HCRTR2: variants seen among roughly 807,000 people sequenced by gnomAD.
HCRTR2 encodes the protein orexin receptor type 2.
HCRTR2 carries 22 observed loss-of-function variants against 49.0 expected under a neutral mutation model. The observed-to-expected ratio is 0.45, with a 90% CI of 0.32 to 0.64. The LOEUF (loss-of-function observed/expected upper bound fraction) is 0.64. Among genes scored for constraint, HCRTR2 ranks in the 30% least tolerant of loss-of-function variants. The pLI is 0.04. For synonymous variants in HCRTR2, 236 were observed against 205.3 expected, an observed-to-expected ratio of 1.15 and a Z score of -1.28; for missense variants, 491 against 559.4, an observed-to-expected ratio of 0.88 and a Z score of 1.23.
At chr6:55,266,020 G>T (rs1390506266) in intron 4 of HCRTR2, among the ~76,000 whole-genome samples, 1 of 152,022 alleles carries the variant, frequency 6.6e-6, no homozygotes, top group Non-Finnish European at 1.5e-5. Context: ...GCTGCTAAAA[G>T]CCTAAAACAA....
Position 55,107,345 on chromosome 6 carries a change from A to G in HCRTR2, c.-378+800A>G, listed in dbSNP as rs1166518205. On this transcript the variant is annotated intron_variant, in intron 1 of 7. Coordinates refer to the HCRTR2 transcript ENST00000615358. ...TGCCTCCCAGTTCTTTGCTCCCCAA[A>G]GCAACTCCCGTTACTAGCTACTTGT... 4.6e-5 allele frequency among the ~76,000 whole-genome samples: 7 copies of G among 152,098 alleles called. No individual in the cohort carries two copies. In the East Asian group the frequency reaches 1.3e-3, roughly 29 times the overall value.
chr6:55,242,498 A>T (rs191082998), intron 1 of HCRTR2, among the ~76,000 whole-genome samples: 1 of 152,318 alleles, frequency 6.6e-6, no homozygotes, highest in Non-Finnish European at 1.5e-5. Flanking sequence ...TAATATAATC[A>T]AAACTAAATA....
At chr6:55,196,016 CATA>C (rs1170717012) in intron 1 of HCRTR2, among the ~76,000 whole-genome samples, 10 of 152,030 alleles carry the variant, frequency 6.6e-5, no homozygotes, top group African/African-American at 2.2e-4. Flanking sequence ...AAACAGTATT[CATA>C]ATAATTAAAA....
intron 3 of HCRTR2, among the ~76,000 whole-genome samples, chr6:55,262,912 G>A (rs1766794484): frequency 6.6e-6 from 1 of 150,944 alleles, no homozygotes; most frequent in Non-Finnish European, 1.5e-5. Context: ...TGTATCATTT[G>A]TGTACATAGG....
chr6:55,232,194 C>A (rs1766128421), intron 1 of HCRTR2, among the ~76,000 whole-genome samples: 1 of 152,170 alleles, frequency 6.6e-6, no homozygotes, highest in African/African-American at 2.4e-5. Context: ...CATTAATTTA[C>A]ATGTAATTCA....
intron 1 of HCRTR2, among the ~76,000 whole-genome samples, chr6:55,208,628 A>T (rs1193012689): frequency 1.3e-5 from 2 of 152,298 alleles, no homozygotes; most frequent in East Asian, 1.9e-4. Flanking sequence ...GATGTTATCT[A>T]TGTCATCTAT....
intron 1 of HCRTR2, among the ~76,000 whole-genome samples, chr6:55,165,044 C>T (rs1764857285): frequency 6.6e-6 from 1 of 152,090 alleles, no homozygotes; most frequent in Admixed American, 6.6e-5. Context: ...AAGAATGCAT[C>T]TTACCAGCAG....
intron 5 of HCRTR2, among the ~76,000 whole-genome samples, chr6:55,279,555 T>A (rs367715615): frequency 6.9e-3 from 446 of 64,772 alleles, no homozygotes; most frequent in Non-Finnish European, 0.012. Context: ...ACACACACAC[T>A]GATACAGACA....
chr6:55,114,225 C>T (rs2127611534), intron 1 of HCRTR2, among the ~76,000 whole-genome samples: 1 of 151,776 alleles, frequency 6.6e-6, no homozygotes. Context: ...CCACAAAAAA[C>T]TTATTCATGT....
chr6:55,121,866 TA>T (rs1764204917), intron 1 of HCRTR2, among the ~76,000 whole-genome samples: 1 of 152,208 alleles, frequency 6.6e-6, no homozygotes, highest in Non-Finnish European at 1.5e-5. Context: ...GGTTTGCCAG[TA>T]TTTTATTGAG....
intron 5 of HCRTR2, 87 bp downstream of exon 5, chr6:55,277,687 A>G: frequency 1.0e-6 from 1 of 975,934 alleles, no homozygotes; most frequent in East Asian, 2.6e-5. Context: ...ACTAAGCCAG[A>G]GAAAAATCTA....
intron 1 of HCRTR2, among the ~76,000 whole-genome samples, chr6:55,233,262 G>C (rs908229774): frequency 2.6e-5 from 4 of 152,078 alleles, no homozygotes; most frequent in Non-Finnish European, 5.9e-5. Context: ...CTAATTTTCT[G>C]TATTTTTTAG....
intron 1 of HCRTR2, among the ~76,000 whole-genome samples, chr6:55,230,178 A>G (rs940272727): frequency 2.0e-5 from 3 of 152,234 alleles, no homozygotes; most frequent in Non-Finnish European, 4.4e-5. Flanking sequence ...AGAACTTTAA[A>G]TAACTTTCCT....
chr6:55,208,375 C>A (rs1428100193), intron 1 of HCRTR2, among the ~76,000 whole-genome samples: 1 of 150,686 alleles, frequency 6.6e-6, no homozygotes, highest in South Asian at 2.1e-4. Context: ...GCCTGTAATG[C>A]CAGCTACTCG....
At chr6:55,170,215 A>C (rs1178710348), upstream of HCRTR2, among the ~76,000 whole-genome samples, 1 of 149,958 alleles carries the variant, frequency 6.7e-6, no homozygotes. Context: ...TTATTTATAC[A>C]TAGTATTTGT....
At chr6:55,228,255 G>T (rs1766049452) in intron 1 of HCRTR2, among the ~76,000 whole-genome samples, 1 of 152,058 alleles carries the variant, frequency 6.6e-6, no homozygotes, top group African/African-American at 2.4e-5. Context: ...AATGAAGAAA[G>T]TTATTAATAA....
intron 1 of HCRTR2, among the ~76,000 whole-genome samples, chr6:55,186,150 T>A (rs1361514343): frequency 6.6e-6 from 1 of 152,224 alleles, no homozygotes; most frequent in Non-Finnish European, 1.5e-5. Flanking sequence ...AGTTTCATTT[T>A]TTTTCCTGTT....
chr6:55,235,258 A>T (rs560740382), intron 1 of HCRTR2, among the ~76,000 whole-genome samples: 1 of 152,062 alleles, frequency 6.6e-6, no homozygotes, highest in Non-Finnish European at 1.5e-5. Flanking sequence ...TAGTAGTTAC[A>T]AGGGTATGTA....
At chr6:55,241,045 C>T (rs1382890168) in intron 1 of HCRTR2, among the ~76,000 whole-genome samples, 1 of 150,782 alleles carries the variant, frequency 6.6e-6, no homozygotes, top group East Asian at 1.9e-4. Context: ...CATATGTATA[C>T]ATGTGCCATG....
Sources: gnomAD v4.1 joint callset for allele counts (sites outside exome capture counted in the v4.1 genomes callset) on GRCh38, gnomAD v4.1.1 for gene constraint, MANE v1.5 for transcripts, NCBI Gene and HGNC (gene_info 2026-07-23, HGNC 2026-07-21) for gene names.